ZCWPW2: variants seen among roughly 807,000 people sequenced by gnomAD.
ZCWPW2 encodes the protein zinc finger CW-type PWWP domain protein 2.
A neutral mutation model predicts 46.6 loss-of-function variants in ZCWPW2; 45 were observed. The observed-to-expected ratio is 0.96, with a 90% confidence interval of 0.76 to 1.24. The LOEUF (loss-of-function observed/expected upper bound fraction) is 1.24. Among genes scored for constraint, ZCWPW2 ranks in the 50% most tolerant of loss-of-function variants. The pLI is 0.00. For missense variants in ZCWPW2, 429 were observed against 403.9 expected (o/e 1.06, Z -0.53); for synonymous variants, 152 against 137.1 (o/e 1.11, Z -0.76).
chr3:28,373,800 T>C (rs565308946), intron 1 of ZCWPW2, among the ~76,000 whole-genome samples: 15 of 152,158 alleles, frequency 9.9e-5, no homozygotes, highest in Non-Finnish European at 1.9e-4. Context: ...TTAAGAAATG[T>C]CTACTCAGAT....
intron 2 of ZCWPW2, among the ~76,000 whole-genome samples, chr3:28,394,548 G>T (rs1695621217): frequency 6.6e-6 from 1 of 151,988 alleles, no homozygotes; most frequent in South Asian, 2.1e-4. Context: ...AAAACAGTAT[G>T]GTGGCATCAT....
chr3:28,478,922 A>C lies in ZCWPW2; in HGVS notation c.601A>C (p.Lys201Gln). 6.4e-7 allele frequency: 1 copy of C among 1,570,618 alleles called. No homozygotes were observed. Among genetic ancestry groups the C allele is most frequent in the South Asian group, 1.2e-5 (1 of 83,318 alleles). Residue 201 changes from lysine to glutamine, a missense_variant, in exon 5 of 10, where the codon AAA becomes CAA. Lys to Gln is a moderately conservative substitution (Grantham distance 53). Transcript: ENST00000383768. ...EQRLEMCCLS[K>Q]LQDKSETHDK... ...AAGACTGGAAATGTGCTGCCTATCA[A>C]AACTACAAGGTGTATAAATATTTTT...
At chr3:28,385,594 A>G (rs956318791) in intron 1 of ZCWPW2, among the ~76,000 whole-genome samples, 3 of 152,228 alleles carry the variant, frequency 2.0e-5, no homozygotes, top group Non-Finnish European at 4.4e-5. Context: ...GACTAGCACC[A>G]GCTCCTTCTC....
At chr3:28,370,289 A>G (rs924081660) in intron 1 of ZCWPW2, among the ~76,000 whole-genome samples, 17 of 152,196 alleles carry the variant, frequency 1.1e-4, no homozygotes, top group African/African-American at 3.6e-4. Context: ...CTATTTGGCC[A>G]TCTTTGCTTC....
rs200925030 is a variant in ZCWPW2 at position 28,478,792 on chromosome 3, TC to T, written c.493-21del. 5.0e-3 allele frequency: 6,662 copies of T among 1,326,192 alleles called. 102 individuals are homozygous for T. In the African/African-American group the frequency reaches 0.066, roughly 13 times the overall value. 82.2% of individuals were successfully genotyped at this position (1,326,192 alleles called of 1,614,324 possible). On this transcript the variant is annotated intron_variant, in intron 4 of 9. Coordinates refer to ENST00000383768, the MANE Select transcript of ZCWPW2 (RefSeq NM_001040432.4). The stretch of plus-strand genomic sequence containing the variant: ...TTATATATTTAAAAATGAATTTTTT[TC>T]TTTTTTCTGTATTTATATAGCCAGA...
At chr3:28,449,222 T>C (rs937509724) in intron 4 of ZCWPW2, among the ~76,000 whole-genome samples, 13 of 152,096 alleles carry the variant, frequency 8.5e-5, no homozygotes, top group Admixed American at 3.3e-4. Flanking sequence ...CCTAAAATCA[T>C]GTACAAAAAC....
At chr3:28,452,997 C>A (rs1698283726) in intron 4 of ZCWPW2, among the ~76,000 whole-genome samples, 1 of 152,154 alleles carries the variant, frequency 6.6e-6, no homozygotes, top group Non-Finnish European at 1.5e-5. Flanking sequence ...TGAAATGAGA[C>A]CATTGCTGCA....
At chr3:28,480,310 A>G (rs1014038325) in intron 5 of ZCWPW2, among the ~76,000 whole-genome samples, 2 of 152,184 alleles carry the variant, frequency 1.3e-5, no homozygotes, top group Non-Finnish European at 2.9e-5. Context: ...CAGTTCTCTA[A>G]TGATCAGTGA....
chr3:28,360,031 G>A (rs920095162), intron 1 of ZCWPW2, among the ~76,000 whole-genome samples: 8 of 151,858 alleles, frequency 5.3e-5, no homozygotes, highest in Non-Finnish European at 1.0e-4. Context: ...TAGACTACTC[G>A]AAACAAAGAT....
intron 1 of ZCWPW2, among the ~76,000 whole-genome samples, chr3:28,363,918 A>G (rs151038902): frequency 2.7e-4 from 41 of 152,278 alleles, no homozygotes; most frequent in Non-Finnish European, 5.4e-4. Flanking sequence ...TGTGAATAAT[A>G]AACTGTCTTT....
chr3:28,365,171 T>C (rs956501884), intron 1 of ZCWPW2, among the ~76,000 whole-genome samples: 6 of 150,122 alleles, frequency 4.0e-5, no homozygotes, highest in African/African-American at 1.5e-4. Context: ...ATTTGTCAAT[T>C]TTGGCTTTTG....
intron 3 of ZCWPW2, among the ~76,000 whole-genome samples, chr3:28,427,405 GC>G (rs1216258188): frequency 6.6e-6 from 1 of 152,144 alleles, no homozygotes; most frequent in African/African-American, 2.4e-5. Flanking sequence ...TCTCTGCTCA[GC>G]TTTTCCTTTA....
chr3:28,365,193 T>TC (rs1705082288), intron 1 of ZCWPW2, among the ~76,000 whole-genome samples: 1 of 149,272 alleles, frequency 6.7e-6, no homozygotes, highest in South Asian at 2.1e-4. Context: ...TGCCATTGCT[T>TC]TTGGTGTTTT....
At chr3:28,459,386 C>A (rs948488511) in intron 4 of ZCWPW2, among the ~76,000 whole-genome samples, 4 of 147,718 alleles carry the variant, frequency 2.7e-5, no homozygotes, top group Non-Finnish European at 5.9e-5. Context: ...AAAAAAAAAA[C>A]AAAAAACAAA....
chr3:28,405,004 C>T (rs189480576), intron 2 of ZCWPW2, among the ~76,000 whole-genome samples: 1 of 152,114 alleles, frequency 6.6e-6, no homozygotes, highest in Non-Finnish European at 1.5e-5. Context: ...AACCAAATAC[C>T]ACCTGTTCCC....
chr3:28,474,620 T>TGTGTGTGTGTGTGTGCGC (rs777191108), intron 4 of ZCWPW2, among the ~76,000 whole-genome samples: 2 of 121,630 alleles, frequency 1.6e-5, no homozygotes, highest in Non-Finnish European at 1.9e-5. Flanking sequence ...TGTGTGTGTG[T>TGTGTGTGTGTGTGTGCGC]GCGCGCGCGC....
intron 6 of ZCWPW2, among the ~76,000 whole-genome samples, chr3:28,498,257 G>GTGTT: frequency 6.6e-6 from 1 of 151,686 alleles, no homozygotes; most frequent in Non-Finnish European, 1.5e-5. Flanking sequence ...GTGTGTGTGT[G>GTGTT]TGTGTGTGTG....
intron 4 of ZCWPW2, among the ~76,000 whole-genome samples, chr3:28,475,600 C>T (rs1156389316): frequency 6.6e-6 from 1 of 152,132 alleles, no homozygotes; most frequent in African/African-American, 2.4e-5. Flanking sequence ...TGATGTGGCC[C>T]TTGTTAATTT....
rs187502375 is a variant in ZCWPW2, at chr3:28,455,120, T to C, written c.492+19851T>C. ...CCACCATCAGTGTAGAAGTATTCCC[T>C]TTTCTCTACAACCTCACCAGCATCT... On this transcript the variant is annotated intron_variant, in intron 4 of 9. Transcript: ENST00000383768. Among the ~76,000 whole-genome samples, 232 of 152,338 alleles carry C rather than the reference T, an allele frequency of 1.5e-3. 1 individual carries two copies. Among genetic ancestry groups the C allele is most frequent in the African/African-American group, 5.2e-3 (215 of 41,580 alleles).
Sources: allele counts gnomAD v4.1 joint callset (sites outside exome capture counted in the v4.1 genomes callset), GRCh38; gene constraint gnomAD v4.1.1; transcripts MANE v1.5; gene names NCBI Gene and HGNC (gene_info 2026-07-23, HGNC 2026-07-21).